The following LAMB4 variants were observed in gnomAD, a reference collection of about 807,000 sequenced individuals.
The protein encoded by LAMB4 is laminin subunit beta 4.
A neutral mutation model predicts 199.2 loss-of-function variants in LAMB4; 196 were observed. The ratio of observed to expected loss-of-function variants is 0.98; its 90% CI spans 0.88 to 1.11. LAMB4 has a LOEUF of 1.11. Among genes scored for constraint, LAMB4 ranks in the 50% least tolerant of loss-of-function variants. LAMB4 has a pLI of 0.00. For missense variants in LAMB4, 2,080 were observed against 2,171.2 expected (o/e 0.96, Z 0.83); for synonymous variants, 744 against 770.6 (o/e 0.97, Z 0.57).
At chr7:108,085,071 C>T (rs2037117299) in intron 14 of LAMB4, among the ~76,000 whole-genome samples, 4 of 152,024 alleles carry the variant, frequency 2.6e-5, no homozygotes, top group Admixed American at 2.6e-4. Context: ...GACTTCCCTG[C>T]GTTAGCCAAC....
At chr7:108,096,520 G>C (rs1212503186) in intron 11 of LAMB4, among the ~76,000 whole-genome samples, 2 of 152,058 alleles carry the variant, frequency 1.3e-5, no homozygotes, top group African/African-American at 4.8e-5. Context: ...TGCAGAAGAG[G>C]GGTTTCTTTT....
At chr7:108,063,061 A>T (rs868800441) in intron 22 of LAMB4, 67 bp from the exon 23 acceptor site, 73 of 1,056,416 alleles carry the variant, frequency 6.9e-5, no homozygotes, top group South Asian at 6.9e-4. Context: ...AAACCATACA[A>T]ACAGCGTTTT....
At chr7:108,055,225 C>T (rs188323677) in intron 25 of LAMB4, among the ~76,000 whole-genome samples, 21 of 148,198 alleles carry the variant, frequency 1.4e-4, no homozygotes, top group African/African-American at 5.2e-4. Context: ...TCACTCTTGT[C>T]GCCCAGGCTG....
In LAMB4 at chr7:108,055,986, C is replaced by G; in HGVS notation, c.3401G>C (p.Gly1134Ala). The change falls in exon 25 of 34, where the codon GGT becomes GCT. Residue 1134 changes from glycine to alanine, a missense_variant. Gly to Ala is a moderately conservative substitution (Grantham distance 60). Transcript: ENST00000388781. Reference protein sequence around the residue: ...RCIPCDCNRAGTQKPICDPDT... With the variant: ...RCIPCDCNRAATQKPICDPDT... ...TGGATCACAGATGGGCTTCTGGGTA[C>G]CTGCCCTGTTACAATCACATGCTAA... The G allele has an allele frequency of 6.2e-7, 1 of 1,613,050 alleles. No individual in the cohort carries two copies. The highest frequency in any genetic ancestry group is 8.5e-7 in the Non-Finnish European group (1 of 1,179,394).
intron 28 of LAMB4, among the ~76,000 whole-genome samples, chr7:108,047,356 CTCT>C (rs2150518527): frequency 6.6e-6 from 1 of 152,230 alleles, no homozygotes; most frequent in East Asian, 1.9e-4. Context: ...AGACCAACCC[CTCT>C]TCTTCCTCCT....
At chr7:108,011,844 C>T in the LAMB4 span, among the ~76,000 whole-genome samples, 4 of 150,556 alleles carry the variant, frequency 2.7e-5, no homozygotes, top group Admixed American at 2.0e-4. Flanking sequence ...AACATAATTT[C>T]TAATGTTCTA....
chr7:108,112,028 C>G (rs2038246139), intron 3 of LAMB4, 82 bp from the exon 4 acceptor site: 2 of 1,099,372 alleles, frequency 1.8e-6, no homozygotes, highest in Admixed American at 5.3e-5. Context: ...GCTGTACATA[C>G]TATATTTGTC....
chr7:108,078,406 G>T, intron 15 of LAMB4, 90 bp from the exon 16 acceptor site: 1 of 838,484 alleles, frequency 1.2e-6, no homozygotes, highest in South Asian at 1.6e-5. Flanking sequence ...AAAGTGCATG[G>T]ACTTGAATTT....
intron 31 of LAMB4, among the ~76,000 whole-genome samples, chr7:108,033,304 C>G (rs1412550192): frequency 6.6e-6 from 1 of 152,178 alleles, no homozygotes; most frequent in Non-Finnish European, 1.5e-5. Flanking sequence ...AAGTATATGC[C>G]TAGAAGGGGA....
rs1168678172 is a variant in LAMB4, at chr7:108,065,901, A to G, written c.2697T>C (p.Tyr899=). 1.2e-6 allele frequency: 2 copies of G among 1,613,846 alleles called. No homozygotes were observed. Among genetic ancestry groups the G allele is most frequent in the South Asian group, 1.1e-5 (1 of 90,996 alleles). Residue 899 remains tyrosine (Y), a synonymous_variant, in exon 21 of 34, where the codon TAT becomes TAC. Coordinates refer to ENST00000388781, the MANE Select transcript of LAMB4 (RefSeq NM_007356.3). ...RNCERCIDGY[Y]GNPSSGQPCR... The stretch of plus-strand genomic sequence containing the variant: ...AGGGCTGTCCTGAAGAAGGATTTCC[A>G]TAGTAACCATCAATACACCTGTCAA...
chr7:108,110,440 G>A lies in LAMB4; in HGVS notation c.329-1196C>T, dbSNP rs556397516. On this transcript the variant is annotated intron_variant, in intron 4 of 33. Coordinates refer to ENST00000388781, the MANE Select transcript of LAMB4 (RefSeq NM_007356.3). ...AATTTGGATTAGACACATTTCAACT[G>A]CTCACACGGGACAGTATGGCTCCAG... Among the ~76,000 whole-genome samples, 64 of 152,312 alleles carry A rather than the reference G, an allele frequency of 4.2e-4. 2 individuals carry two copies. The South Asian group carries it at 0.013, about 31-fold the overall frequency.
chr7:108,086,325 A>G (rs909397698), intron 14 of LAMB4, among the ~76,000 whole-genome samples: 5 of 151,674 alleles, frequency 3.3e-5, no homozygotes, highest in African/African-American at 4.8e-5. Context: ...TACTTCCCTC[A>G]CTCCATTATA....
chr7:108,106,940 A>G (rs2038040646), intron 6 of LAMB4, among the ~76,000 whole-genome samples: 1 of 152,188 alleles, frequency 6.6e-6, no homozygotes, highest in African/African-American at 2.4e-5. Flanking sequence ...CTGGCATAGA[A>G]TACAGATTAT....
intron 26 of LAMB4, 28 bp downstream of exon 26, chr7:108,052,069 C>A: frequency 1.3e-6 from 2 of 1,576,748 alleles, no homozygotes; most frequent in Non-Finnish European, 1.7e-6. Context: ...TTTGTGCAGA[C>A]ACAGTCAAAA....
intron 2 of LAMB4, among the ~76,000 whole-genome samples, chr7:108,117,229 C>T (rs963901726): frequency 6.6e-6 from 1 of 151,996 alleles, no homozygotes; most frequent in Non-Finnish European, 1.5e-5. Context: ...CCTAACATAA[C>T]GTTTGAGAAC....
chr7:108,076,893 T>C lies in LAMB4; in HGVS notation c.2124+51A>G, dbSNP rs778222868. The C allele has an allele frequency of 2.0e-5, 32 of 1,595,378 alleles. No individual in the cohort carries two copies. The South Asian group carries it at 3.2e-4, about 16-fold the overall frequency. ...TCACTAGTGAGTTTAAAAGTAGTTA[T>C]AACGGTGCTTAGTAGCGAAGAAAGC... On this transcript the variant is annotated intron_variant, in intron 17 of 33. Coordinates refer to ENST00000388781, the MANE Select transcript of LAMB4 (RefSeq NM_007356.3).
At chr7:108,107,982 C>T (rs1356193909) in intron 5 of LAMB4, among the ~76,000 whole-genome samples, 163 bp from the exon 6 acceptor site, 1 of 152,164 alleles carries the variant, frequency 6.6e-6, no homozygotes, top group South Asian at 2.1e-4. Flanking sequence ...ACTCTGTCGC[C>T]CAGGCTGGAG....
the LAMB4 span, among the ~76,000 whole-genome samples, chr7:108,012,614 A>G: frequency 6.6e-6 from 1 of 152,244 alleles, no homozygotes; most frequent in Non-Finnish European, 1.5e-5. Flanking sequence ...ACTGAATGAC[A>G]AGGCAAGCTC....
chr7:108,047,620 AC>A (rs1273204604), intron 28 of LAMB4, among the ~76,000 whole-genome samples: 12 of 152,218 alleles, frequency 7.9e-5, no homozygotes, highest in Non-Finnish European at 1.6e-4. Context: ...GTCAAAAGTT[AC>A]ACATAAATTT....
Sources: gnomAD v4.1 joint callset for allele counts (sites outside exome capture counted in the v4.1 genomes callset) on GRCh38, gnomAD v4.1.1 for gene constraint, MANE v1.5 for transcripts, NCBI Gene and HGNC (gene_info 2026-07-23, HGNC 2026-07-21) for gene names.